ADCY7: variants seen among roughly 807,000 people sequenced by gnomAD.
ADCY7 encodes the protein adenylate cyclase type 7.
ADCY7 carries 72 observed loss-of-function variants against 120.6 expected under a neutral mutation model. That is an observed-to-expected ratio of 0.60 (90% CI 0.49 to 0.73). ADCY7 has a LOEUF of 0.73. Among genes scored for constraint, ADCY7 ranks in the 30% least tolerant of loss-of-function variants. The pLI is 0.00. For synonymous variants in ADCY7, 661 were observed against 628.0 expected (o/e 1.05, Z -0.78); for missense variants, 1,227 against 1,486.0 (o/e 0.83, Z 2.87).
At chr16:50,308,496 G>T in intron 16 of ADCY7, 85 bp downstream of exon 16, 1 of 1,593,078 alleles carries the variant, frequency 6.3e-7, no homozygotes. Flanking sequence ...AGCTTGGCTG[G>T]GCTGAGCCCC....
intron 19 of ADCY7, 132 bp from the exon 20 acceptor site, chr16:50,311,561 T>G: frequency 1.5e-6 from 1 of 668,164 alleles, no homozygotes; most frequent in Non-Finnish European, 2.7e-6. Context: ...CCCAAAGTTG[T>G]CTTGTTTTCT....
At chr16:50,291,675 G>A (rs968069190) in intron 3 of ADCY7, 61 bp from the exon 4 acceptor site, 20 of 1,600,910 alleles carry the variant, frequency 1.2e-5, no homozygotes, top group African/African-American at 1.1e-4. Flanking sequence ...GCAGGGTTCC[G>A]GGGGCTGTAC....
chr16:50,268,573 C>T (rs2150824370), intron 1 of ADCY7, among the ~76,000 whole-genome samples: 1 of 152,278 alleles, frequency 6.6e-6, no homozygotes, highest in South Asian at 2.1e-4. Flanking sequence ...CCTTCTAGTG[C>T]TGTTTTCATG....
At chr16:50,311,122 G>A (rs2036430606) in intron 19 of ADCY7, among the ~76,000 whole-genome samples, 1 of 152,302 alleles carries the variant, frequency 6.6e-6, no homozygotes, top group South Asian at 2.1e-4. Flanking sequence ...GGGAGGGAAG[G>A]AGGCTGCAGC....
At position 50,300,644 on chromosome 16, in the gene ADCY7, C is replaced by T. The variant is rs144022291; in HGVS notation, c.1077-71C>T. The T allele has an allele frequency of 5.5e-4, 844 of 1,526,422 alleles. 8 individuals are homozygous for T. The African/African-American group carries it at 0.01, about 18-fold the overall frequency. The allele number at this position is 1,526,422 out of a possible 1,614,324, so 94.6% of individuals were successfully genotyped here. ...TTCCCACATGCTGCCCTGTACCCAC[C>T]CCACACCTGGGAGCTTCAGCCTGTC... On this transcript the variant is annotated intron_variant, in intron 8 of 25. Transcript: ENST00000673801.
intron 21 of ADCY7, 120 bp downstream of exon 21, chr16:50,312,311 C>A: frequency 1.8e-6 from 2 of 1,137,816 alleles, no homozygotes; most frequent in Non-Finnish European, 2.5e-6. Context: ...CCTGGCCTCA[C>A]CGGGATGCCC....
At chr16:50,313,788 CAT>C (rs1321976505) in intron 22 of ADCY7, 168 bp from the exon 23 acceptor site, 1 of 604,056 alleles carries the variant, frequency 1.7e-6, no homozygotes, top group East Asian at 2.8e-5. Context: ...CGCCAAGGGC[CAT>C]GTCCTCACCA....
chr16:50,315,410 T>C lies in ADCY7; in HGVS notation c.3148T>C (p.Cys1050Arg). The C allele has an allele frequency of 6.2e-7, 1 of 1,614,108 alleles. No homozygotes were observed. Among genetic ancestry groups the C allele is most frequent in the Non-Finnish European group, 8.5e-7 (1 of 1,179,926 alleles). Residue 1050 changes from cysteine to arginine, a missense_variant, in exon 26 of 26, where the codon TGC becomes CGC. Coordinates refer to ENST00000673801, the MANE Select transcript of ADCY7 (RefSeq NM_001114.5). ...CCAGGGCCTCGGGTACTCTTGTGAA[T>C]GCCGTGGCCTGATCAACGTCAAAGG... ...ILQGLGYSCE[C>R]RGLINVKGKG...
At chr16:50,252,587 G>A (rs1380984920) in intron 1 of ADCY7, among the ~76,000 whole-genome samples, 1 of 152,188 alleles carries the variant, frequency 6.6e-6, no homozygotes, top group Admixed American at 6.5e-5. Context: ...CAGTGACGAT[G>A]GCAGGAGCTC....
chr16:50,313,535 G>A (rs944196134), intron 22 of ADCY7: 34 of 192,270 alleles, frequency 1.8e-4, no homozygotes, highest in African/African-American at 5.6e-4. Context: ...CAAATAATTC[G>A]TTGGCATCTT....
rs765347581 is a variant in ADCY7 at position 50,290,551 on chromosome 16, T to C, written c.266T>C (p.Leu89Pro). Residue 89 changes from leucine to proline, a missense_variant, in exon 3 of 26, where the codon CTG (leucine) becomes CCG (proline). Coordinates refer to ENST00000673801, the MANE Select transcript of ADCY7 (RefSeq NM_001114.5). Reference protein sequence around the residue: ...LSVLMYVECLLRRWLRALALL... With the variant: ...LSVLMYVECLPRRWLRALALL... Reference sequence around the variant, plus strand: ...GTGCTGATGTACGTCGAGTGTCTCCTGCGGCGCTGGCTCAGGGCCTTGGCG... The same window carrying C: ...GTGCTGATGTACGTCGAGTGTCTCCCGCGGCGCTGGCTCAGGGCCTTGGCG... The C allele has an allele frequency of 6.2e-7, 1 of 1,614,226 alleles. No homozygotes were observed. The highest frequency in any genetic ancestry group is 8.5e-7 in the Non-Finnish European group (1 of 1,180,042).
chr16:50,274,320 G>A (rs1040313544), intron 1 of ADCY7: 47 of 152,508 alleles, frequency 3.1e-4, no homozygotes, highest in African/African-American at 9.2e-4. Context: ...GTGCCCAATA[G>A]CTCCGTAAGG....
rs764532133 is a variant in ADCY7 at position 50,310,844 on chromosome 16, G to T, written c.2318G>T (p.Gly773Val). The change falls in exon 19 of 26, where the codon GGC becomes GTC. Residue 773 changes from glycine (G) to valine (V), a missense_variant. Physicochemically the swap from Gly to Val is moderately radical, Grantham distance 109. Coordinates refer to ENST00000673801, the MANE Select transcript of ADCY7 (RefSeq NM_001114.5). ...PCWQWDCCGQ[G>V]LGNLTKPNGT... ...TGGCAGTGGGACTGCTGCGGCCAAG[G>T]CCTGGGCAACCTCACCAAGCCCAAC... 5 of 1,612,352 alleles carry T rather than the reference G, an allele frequency of 3.1e-6. No homozygotes were observed. Among genetic ancestry groups the T allele is most frequent in the Admixed American group, 1.7e-5 (1 of 59,854 alleles).
At chr16:50,290,267 G>T (rs966000450) in intron 2 of ADCY7, among the ~76,000 whole-genome samples, 190 bp from the exon 3 acceptor site, 1 of 152,196 alleles carries the variant, frequency 6.6e-6, no homozygotes, top group Non-Finnish European at 1.5e-5. Flanking sequence ...ATGGGAAGGG[G>T]GTGGTTGAGG....
chr16:50,264,608 TCTC>T (rs1452208518), upstream of ADCY7, among the ~76,000 whole-genome samples: 1 of 152,178 alleles, frequency 6.6e-6, no homozygotes, highest in Non-Finnish European at 1.5e-5. Context: ...AAGAGCTGCT[TCTC>T]CTCCTTGTCA....
chr16:50,256,428 C>T (rs966180317), intron 1 of ADCY7, among the ~76,000 whole-genome samples: 59 of 152,246 alleles, frequency 3.9e-4, no homozygotes, highest in African/African-American at 1.3e-3. Context: ...AGAAGCCAGG[C>T]GTGGTGGCTC....
chr16:50,292,658 AC>A lies in ADCY7; in HGVS notation c.538-14del. The A allele has an allele frequency of 6.2e-7, 1 of 1,612,310 alleles. No homozygotes were observed. Among genetic ancestry groups the A allele is most frequent in the Non-Finnish European group, 8.5e-7 (1 of 1,179,156 alleles). ...TGGGCCAGGCCACATAATGAGCCAA[AC>A]CCCTGTCTACCCGCAGCTGCTGGCC... is the stretch of plus-strand genomic sequence containing the variant. On this transcript the variant is annotated splice_polypyrimidine_tract_variant and intron_variant, in intron 4 of 25. Transcript: ENST00000673801.
chr16:50,298,872 T>C (rs1206188175), intron 7 of ADCY7, 32 bp from the exon 8 acceptor site: 1 of 1,600,896 alleles, frequency 6.2e-7, no homozygotes, highest in Non-Finnish European at 8.5e-7. Context: ...CCCCACATCT[T>C]CCAGTGACCA....
chr16:50,269,483 G>A (rs922376788), intron 1 of ADCY7, among the ~76,000 whole-genome samples: 2 of 152,218 alleles, frequency 1.3e-5, no homozygotes, highest in African/African-American at 4.8e-5. Flanking sequence ...GGCCCACTGC[G>A]GGAGAGAAGA....
Sources: gnomAD v4.1 joint callset for allele counts (sites outside exome capture counted in the v4.1 genomes callset) on GRCh38, gnomAD v4.1.1 for gene constraint, MANE v1.5 for transcripts, NCBI Gene and HGNC (gene_info 2026-07-23, HGNC 2026-07-21) for gene names.